SLC25A21: variants seen among roughly 807,000 people sequenced by gnomAD.
SLC25A21 encodes solute carrier family 25 member 21.
SLC25A21 carries 47 observed loss-of-function variants against 43.8 expected under a neutral mutation model. That is an observed-to-expected ratio of 1.07 (90% CI 0.85 to 1.37). The LOEUF (loss-of-function observed/expected upper bound fraction) is 1.37, where lower values mean the gene tolerates loss of function less well. SLC25A21 is among the 40% of genes most tolerant of loss of function. The pLI is 0.00. For synonymous variants in SLC25A21, 131 were observed against 121.3 expected (o/e 1.08, Z -0.52); for missense variants, 352 against 350.2 (o/e 1.00, Z -0.04).
chr14:36,737,475 A>G (rs1885089872), intron 3 of SLC25A21, among the ~76,000 whole-genome samples: 1 of 152,074 alleles, frequency 6.6e-6, no homozygotes. Flanking sequence ...CACCATCCTG[A>G]GCTTCCAAAT....
chr14:37,108,679 G>A (rs1041148411), intron 1 of SLC25A21, among the ~76,000 whole-genome samples: 1 of 151,034 alleles, frequency 6.6e-6, no homozygotes, highest in Non-Finnish European at 1.5e-5. Flanking sequence ...TACATACTGG[G>A]AATTAAAAGA....
chr14:36,866,171 G>T (rs1167599857), intron 2 of SLC25A21, among the ~76,000 whole-genome samples: 2 of 152,098 alleles, frequency 1.3e-5, no homozygotes, highest in Non-Finnish European at 2.9e-5. Context: ...TAGAGATGGG[G>T]TGTTGCGATG....
chr14:36,843,691 T>C (rs977598602), intron 2 of SLC25A21, among the ~76,000 whole-genome samples: 3 of 152,274 alleles, frequency 2.0e-5, no homozygotes, highest in African/African-American at 4.8e-5. Context: ...TTAACCAACA[T>C]TACCAAATGT....
At chr14:36,744,468 G>A (rs957611199) in intron 3 of SLC25A21, among the ~76,000 whole-genome samples, 2 of 152,066 alleles carry the variant, frequency 1.3e-5, no homozygotes, top group Non-Finnish European at 2.9e-5. Flanking sequence ...ATAGTTCTGG[G>A]AAAATTGGAG....
At chr14:36,773,075 C>A (rs1224059746) in intron 3 of SLC25A21, among the ~76,000 whole-genome samples, 2 of 151,890 alleles carry the variant, frequency 1.3e-5, no homozygotes, top group Non-Finnish European at 2.9e-5. Context: ...CAGTACTATG[C>A]TAAAGAAAAA....
chr14:36,928,724 T>C (rs1053098856), intron 1 of SLC25A21, among the ~76,000 whole-genome samples: 2 of 152,178 alleles, frequency 1.3e-5, no homozygotes, highest in Non-Finnish European at 2.9e-5. Flanking sequence ...TGACTCTCTA[T>C]TTGGTTATTC....
intron 2 of SLC25A21, among the ~76,000 whole-genome samples, chr14:36,853,593 A>C (rs1889809212): frequency 6.6e-6 from 1 of 152,060 alleles, no homozygotes; most frequent in Non-Finnish European, 1.5e-5. Context: ...TCTCACACCC[A>C]AGAGGCCCTC....
intron 1 of SLC25A21, among the ~76,000 whole-genome samples, chr14:37,135,107 T>C (rs1963456987): frequency 6.6e-6 from 1 of 152,096 alleles, no homozygotes; most frequent in African/African-American, 2.4e-5. Flanking sequence ...CTTGTACTTT[T>C]AGTAGAGAAG....
intron 1 of SLC25A21, among the ~76,000 whole-genome samples, chr14:37,020,379 T>C (rs934696295): frequency 2.0e-5 from 3 of 151,700 alleles, no homozygotes; most frequent in Middle Eastern, 3.4e-3. Context: ...ACATGAAACT[T>C]AGTATTTCCC....
At chr14:36,695,564 G>T (rs1015095784) in intron 7 of SLC25A21, among the ~76,000 whole-genome samples, 5 of 152,112 alleles carry the variant, frequency 3.3e-5, no homozygotes, top group African/African-American at 1.2e-4. Flanking sequence ...GCTTCCATTT[G>T]TTTGTGTCCT....
At chr14:36,686,479 T>C (rs1170775471) in intron 7 of SLC25A21, among the ~76,000 whole-genome samples, 1 of 152,184 alleles carries the variant, frequency 6.6e-6, no homozygotes, top group Admixed American at 6.5e-5. Flanking sequence ...TGACCTCTGA[T>C]GAGTCACTGA....
intron 1 of SLC25A21, among the ~76,000 whole-genome samples, chr14:36,948,897 A>AT (rs1360774944): frequency 6.6e-6 from 1 of 152,230 alleles, no homozygotes; most frequent in African/African-American, 2.4e-5. Context: ...TAATGTGGCT[A>AT]TTCAAAAGTT....
chr14:36,894,785 C>G (rs1594674918), intron 1 of SLC25A21, among the ~76,000 whole-genome samples: 1 of 152,168 alleles, frequency 6.6e-6, no homozygotes, highest in East Asian at 1.9e-4. Context: ...TTTTCTGCAT[C>G]TATTGAGATA....
At chr14:37,053,214 G>C (rs1324100853) in intron 1 of SLC25A21, among the ~76,000 whole-genome samples, 4 of 152,162 alleles carry the variant, frequency 2.6e-5, no homozygotes, top group Admixed American at 2.0e-4. Flanking sequence ...TAAAGGAAAA[G>C]AGATGAGAAC....
chr14:37,063,079 A>G (rs980107893), intron 1 of SLC25A21, among the ~76,000 whole-genome samples: 3 of 152,172 alleles, frequency 2.0e-5, no homozygotes, highest in Non-Finnish European at 4.4e-5. Flanking sequence ...CCCCTTATAA[A>G]ACCATCGTAT....
rs1262962483 is a variant in SLC25A21 at position 36,776,241 on chromosome 14, T to TC, written c.203+37676_203+37677insG. Among the ~76,000 whole-genome samples the TC allele has an allele frequency of 9.4e-5, 11 of 116,868 alleles. 1 individual carries two copies. Among genetic ancestry groups the TC allele is most frequent in the Non-Finnish European group, 1.7e-4 (10 of 58,206 alleles). 76.7% of individuals were successfully genotyped at this position (116,868 alleles called of 152,430 possible). ...TTTTCTTTTTCTTTCTTTCTTTCTT[T>TC]TTTTTTTTTTTTTGAGATGGAGTCT... is the stretch of plus-strand genomic sequence containing the variant. On this transcript the variant is annotated intron_variant, in intron 3 of 9. Transcript: ENST00000331299.
At chr14:37,069,242 T>C (rs533128164) in intron 1 of SLC25A21, among the ~76,000 whole-genome samples, 22 of 152,100 alleles carry the variant, frequency 1.4e-4, no homozygotes, top group Admixed American at 3.3e-4. Flanking sequence ...CATACGACCA[T>C]ATTAGTTGAT....
intron 1 of SLC25A21, among the ~76,000 whole-genome samples, chr14:37,060,405 AATAATAATAATAATAATAATG>A (rs1325305484): frequency 2.7e-5 from 4 of 147,474 alleles, no homozygotes; most frequent in African/African-American, 4.9e-5. Flanking sequence ...TAATAATAAT[AATAATAATAATAATAATAATG>A]ATGTAACCCA....
At chr14:36,932,640 A>C (rs1216499308) in intron 1 of SLC25A21, among the ~76,000 whole-genome samples, 2 of 152,114 alleles carry the variant, frequency 1.3e-5, no homozygotes, top group African/African-American at 4.8e-5. Flanking sequence ...CTCATAAAGT[A>C]ATATTTATCA....
Sources: gnomAD v4.1 joint callset for allele counts (sites outside exome capture counted in the v4.1 genomes callset) on GRCh38, gnomAD v4.1.1 for gene constraint, MANE v1.5 for transcripts, NCBI Gene and HGNC (gene_info 2026-07-23, HGNC 2026-07-21) for gene names.